OSCP1: variants seen among roughly 807,000 people sequenced by gnomAD.
OSCP1 encodes the protein protein OSCP1.
In OSCP1, 35 loss-of-function variants were observed where a neutral mutation model predicts 45.1. That is an observed-to-expected ratio of 0.78 (90% CI 0.59 to 1.03). OSCP1 has a LOEUF of 1.03. Among genes scored for constraint, OSCP1 ranks in the 50% least tolerant of loss-of-function variants. The probability of loss-of-function intolerance (pLI) is 0.00; values close to 1 mark genes in which losing one functional copy is unlikely to be tolerated. For synonymous variants in OSCP1, 179 were observed against 180.1 expected (o/e 0.99, Z 0.05); for missense variants, 400 against 470.7 (o/e 0.85, Z 1.39).
intron 1 of OSCP1, among the ~76,000 whole-genome samples, chr1:36,442,498 T>A (rs1415940325): frequency 6.6e-6 from 1 of 152,228 alleles, no homozygotes; most frequent in African/African-American, 2.4e-5. Context: ...TCAAGAAGTG[T>A]CAAACGATGG....
Position 36,420,477 on chromosome 1 carries a change from C to T in OSCP1, c.958G>A (p.Glu320Lys), listed in dbSNP as rs186698173. 8 of 1,613,544 alleles carry T rather than the reference C, an allele frequency of 5.0e-6. No individual in the cohort carries two copies. In the Admixed American group the frequency reaches 1.3e-4, roughly 27 times the overall value. Residue 320 changes from glutamate to lysine, a missense_variant and splice_region_variant, in exon 8 of 10, where the codon GAA (glutamate) becomes AAA (lysine). By Grantham distance (56) the Glu-to-Lys change is moderately conservative (BLOSUM62 1). Coordinates refer to ENST00000235532, the MANE Select transcript of OSCP1 (RefSeq NM_145047.5). ...LNLFTTDEEEEQAALTRPEEL... is the reference protein window; with the variant it reads ...LNLFTTDEEEKQAALTRPEEL... The stretch of plus-strand genomic sequence containing the variant: ...TAACGAAACAGGTTTAAAACATACT[C>T]CTCTTCTTCATCGGTGGTAAAGAGA...
intron 4 of OSCP1, among the ~76,000 whole-genome samples, chr1:36,430,693 C>T (rs1270900260): frequency 2.0e-5 from 3 of 152,196 alleles, no homozygotes; most frequent in African/African-American, 4.8e-5. Context: ...CTCCCTCTGT[C>T]GCCCAAGCTG....
At chr1:36,432,698 G>A (rs921252297) in intron 2 of OSCP1, 109 bp from the exon 3 acceptor site, 2 of 1,292,918 alleles carry the variant, frequency 1.5e-6, no homozygotes, top group Non-Finnish European at 2.2e-6. Flanking sequence ...CTCTGGGCTT[G>A]CCATACAGCT....
At chr1:36,440,416 AACTG>A (rs1445561760) in intron 1 of OSCP1, among the ~76,000 whole-genome samples, 1 of 152,222 alleles carries the variant, frequency 6.6e-6, no homozygotes, top group Non-Finnish European at 1.5e-5. Flanking sequence ...GACACAAATG[AACTG>A]ACTGTGGCTC....
At chr1:36,450,128 TG>T in intron 1 of OSCP1, 129 bp downstream of exon 1, 1 of 726,928 alleles carries the variant, frequency 1.4e-6, no homozygotes, top group Non-Finnish European at 2.3e-6. Context: ...GGATGTGGCT[TG>T]TAAGAAAGGT....
intron 4 of OSCP1, 98 bp downstream of exon 4, chr1:36,431,704 T>C (rs1004904540): frequency 1.7e-6 from 2 of 1,170,892 alleles, no homozygotes; most frequent in East Asian, 2.4e-5. Context: ...CATCACTAAC[T>C]GGGCAAAATC....
chr1:36,449,835 CAAAAAAAAAAAAAAAA>C (rs67376533), intron 1 of OSCP1, among the ~76,000 whole-genome samples: 11 of 20,336 alleles, frequency 5.4e-4, no homozygotes, highest in East Asian at 5.3e-3. Context: ...GACCCTGTCT[CAAAAAAAAAAAAAAAA>C]AAAAAAAAAA....
intron 1 of OSCP1, among the ~76,000 whole-genome samples, chr1:36,449,835 C>CAA (rs67376533): frequency 0.016 from 321 of 20,346 alleles, 66 homozygotes; most frequent in East Asian, 0.064. Flanking sequence ...GACCCTGTCT[C>CAA]AAAAAAAAAA....
In OSCP1 at chr1:36,423,493, T is replaced by A. The variant is rs759181250; in HGVS notation, c.517-27A>T. The A allele has an allele frequency of 3.2e-6, 5 of 1,543,968 alleles. No homozygotes were observed. In the South Asian group the frequency reaches 5.7e-5, roughly 18 times the overall value. ...TGGAAAAAAATACATTTATTGTCAT[T>A]TTTCTTGGTATATTTTCATAGACAT... On this transcript the variant is annotated intron_variant, in intron 4 of 9. Coordinates refer to ENST00000235532, the MANE Select transcript of OSCP1 (RefSeq NM_145047.5).
At chr1:36,423,050 T>G (rs1647748675) in intron 5 of OSCP1, among the ~76,000 whole-genome samples, 154 bp from the exon 6 acceptor site, 1 of 151,322 alleles carries the variant, frequency 6.6e-6, no homozygotes, top group Non-Finnish European at 1.5e-5. Context: ...AATACAATAA[T>G]AATATTTATT....
At chr1:36,419,084 A>C (rs1647457716) in intron 8 of OSCP1, 30 bp from the exon 9 acceptor site, 1 of 1,575,680 alleles carries the variant, frequency 6.3e-7, no homozygotes, top group Non-Finnish European at 8.7e-7. Flanking sequence ...AAATGGGTGC[A>C]ACATTAGGGT....
intron 1 of OSCP1, among the ~76,000 whole-genome samples, chr1:36,440,635 T>G (rs961547374): frequency 2.0e-5 from 3 of 152,198 alleles, no homozygotes; most frequent in Non-Finnish European, 4.4e-5. Flanking sequence ...CTGTCAGGTT[T>G]GCCTCATGCC....
At chr1:36,422,314 C>A in intron 6 of OSCP1, 95 bp from the exon 7 acceptor site, 1 of 1,120,460 alleles carries the variant, frequency 8.9e-7, no homozygotes, top group Non-Finnish European at 1.3e-6. Flanking sequence ...TATTCTGAGA[C>A]ATTAAATAGC....
At position 36,419,019 on chromosome 1, in the gene OSCP1, T is replaced by A; in HGVS notation, c.995A>T (p.Tyr332Phe). The change falls in exon 9 of 10, where the codon TAT becomes TTT. Residue 332 changes from tyrosine to phenylalanine, a missense_variant. Tyr to Phe is a conservative substitution (Grantham distance 22). Coordinates refer to ENST00000235532, the MANE Select transcript of OSCP1 (RefSeq NM_145047.5). ...GGTGGCTTGTATGTTGATAACTTCA[T>A]AGGATAACTCTTCTGGCCTGGTTAG... ...AALTRPEELS[Y>F]EVINIQATQD... 6.2e-7 allele frequency: 1 copy of A among 1,612,546 alleles called. No homozygotes were observed.
chr1:36,437,279 T>A (rs901844628), intron 2 of OSCP1, among the ~76,000 whole-genome samples: 1 of 151,208 alleles, frequency 6.6e-6, no homozygotes, highest in Non-Finnish European at 1.5e-5. Flanking sequence ...ATTATTATTA[T>A]TATTATTATC....
chr1:36,425,883 A>G (rs1207777692), intron 4 of OSCP1, among the ~76,000 whole-genome samples: 3 of 152,224 alleles, frequency 2.0e-5, no homozygotes, highest in African/African-American at 7.2e-5. Flanking sequence ...GCTACATAGC[A>G]GGTGCATAGA....
intron 1 of OSCP1, 137 bp downstream of exon 1, chr1:36,450,121 T>G (rs1649807215): frequency 2.9e-6 from 2 of 691,746 alleles, no homozygotes; most frequent in South Asian, 3.7e-5. Flanking sequence ...TCCAAATGGA[T>G]GTGGCTTGTA....
At chr1:36,440,179 C>T (rs1649035307) in intron 1 of OSCP1, among the ~76,000 whole-genome samples, 2 of 152,220 alleles carry the variant, frequency 1.3e-5, no homozygotes, top group Admixed American at 6.5e-5. Context: ...GTGGCCATGT[C>T]TCTTTAGAGC....
At chr1:36,432,666 T>A in intron 2 of OSCP1, 77 bp from the exon 3 acceptor site, 1 of 1,581,604 alleles carries the variant, frequency 6.3e-7, no homozygotes, top group Non-Finnish European at 8.7e-7. Context: ...AGTGATTCAG[T>A]CAAGCATTTA....
Sources: allele counts gnomAD v4.1 joint callset (sites outside exome capture counted in the v4.1 genomes callset), GRCh38; gene constraint gnomAD v4.1.1; transcripts MANE v1.5; gene names NCBI Gene and HGNC (gene_info 2026-07-23, HGNC 2026-07-21).